ADGRL3: variants seen among roughly 807,000 people sequenced by gnomAD.
ADGRL3 encodes the protein calcium-independent alpha-latrotoxin receptor 3.
ADGRL3 carries 62 observed loss-of-function variants against 153.5 expected under a neutral mutation model. That is an observed-to-expected ratio of 0.40 (90% CI 0.33 to 0.50). The LOEUF is 0.50. Ranked by LOEUF, ADGRL3 falls within the 20% of genes least tolerant of loss-of-function variation. The pLI, the probability that ADGRL3 is intolerant of heterozygous loss-of-function variation, is 0.47. For missense variants in ADGRL3, 1,641 were observed against 1,859.4 expected, an observed-to-expected ratio of 0.88 and a Z score of 2.16; for synonymous variants, 710 against 672.5, an observed-to-expected ratio of 1.06 and a Z score of -0.86.
chr4:61,717,477 T>C (rs2096144239), intron 6 of ADGRL3, among the ~76,000 whole-genome samples: 1 of 152,118 alleles, frequency 6.6e-6, no homozygotes, highest in Non-Finnish European at 1.5e-5. Context: ...GCTCTATTTC[T>C]TACCTGATTT....
At chr4:62,050,846 T>C (rs1733695549) in intron 25 of ADGRL3, among the ~76,000 whole-genome samples, 1 of 151,856 alleles carries the variant, frequency 6.6e-6, no homozygotes, top group Admixed American at 6.6e-5. Context: ...TTATGAAATT[T>C]GCAAAAACAG....
rs2098250284 is a variant in ADGRL3, at chr4:61,855,279, T to C, written c.1481-37377T>C. Among the ~76,000 whole-genome samples, 2 of 152,198 alleles carry C rather than the reference T, an allele frequency of 1.3e-5. 1 individual carries two copies. The highest frequency in any genetic ancestry group is 4.1e-4 in the South Asian group (2 of 4,834). On this transcript the variant is annotated intron_variant, in intron 9 of 26. Coordinates refer to ENST00000683033, the MANE Select transcript of ADGRL3 (RefSeq NM_001387552.1). The stretch of plus-strand genomic sequence containing the variant: ...GTGTAATAAACTAGGAACTATCATC[T>C]TTCTAAACTGTAAAATAGAATGTTA...
chr4:61,407,641 A>G (rs2097020253), intron 2 of ADGRL3, among the ~76,000 whole-genome samples: 1 of 152,174 alleles, frequency 6.6e-6, no homozygotes, highest in African/African-American at 2.4e-5. Flanking sequence ...CTCTGTCATC[A>G]TTGAAGAACA....
At chr4:61,402,256 GTTGT>G (rs1243019427) in intron 2 of ADGRL3, among the ~76,000 whole-genome samples, 2 of 152,040 alleles carry the variant, frequency 1.3e-5, no homozygotes, top group Non-Finnish European at 2.9e-5. Context: ...ACAGGAAGGG[GTTGT>G]TTGTTTATTT....
intron 17 of ADGRL3, among the ~76,000 whole-genome samples, chr4:61,971,159 T>G (rs936574353): frequency 2.0e-5 from 3 of 151,666 alleles, no homozygotes; most frequent in Non-Finnish European, 2.9e-5. Flanking sequence ...TTTATTTATT[T>G]ATTTATTATT....
At chr4:61,662,985 T>G (rs1017423386) in intron 5 of ADGRL3, among the ~76,000 whole-genome samples, 10 of 152,112 alleles carry the variant, frequency 6.6e-5, no homozygotes, top group African/African-American at 2.2e-4. Context: ...ACCGTGCCTG[T>G]GGAGAGGAAC....
Position 61,969,828 on chromosome 4 carries a change from A to C in ADGRL3, c.2806-9735A>C, listed in dbSNP as rs76029946. 2.7e-3 allele frequency among the ~76,000 whole-genome samples: 413 copies of C among 152,274 alleles called. 1 individual carries two copies. Among genetic ancestry groups the C allele is most frequent in the African/African-American group, 9.4e-3 (389 of 41,554 alleles). On this transcript the variant is annotated intron_variant, in intron 17 of 26. Coordinates refer to ENST00000683033, the MANE Select transcript of ADGRL3 (RefSeq NM_001387552.1). ...TTGCAGGAGCCATTAAGAAAAATGGACAATTGATGCTTCATCCATTCAACA... is the reference window on the plus strand; with the variant it reads ...TTGCAGGAGCCATTAAGAAAAATGGCCAATTGATGCTTCATCCATTCAACA...
intron 1 of ADGRL3, among the ~76,000 whole-genome samples, chr4:61,328,072 T>C (rs2095499918): frequency 6.6e-6 from 1 of 152,060 alleles, no homozygotes; most frequent in East Asian, 1.9e-4. Context: ...TTGGCAAAAT[T>C]TGCATACATT....
intron 5 of ADGRL3, among the ~76,000 whole-genome samples, chr4:61,613,302 C>G (rs1449206129): frequency 6.6e-6 from 1 of 152,066 alleles, no homozygotes; most frequent in Non-Finnish European, 1.5e-5. Context: ...TTCTTCTTTG[C>G]TTGTCTTGTT....
chr4:61,850,673 A>G (rs186998225), intron 9 of ADGRL3, among the ~76,000 whole-genome samples: 7 of 152,196 alleles, frequency 4.6e-5, no homozygotes, highest in Non-Finnish European at 7.4e-5. Context: ...AGCATTGTAA[A>G]CTTAAAATTG....
intron 9 of ADGRL3, among the ~76,000 whole-genome samples, chr4:61,868,450 A>G (rs1183403854): frequency 6.6e-6 from 1 of 151,904 alleles, no homozygotes. Flanking sequence ...TAGCCCAACC[A>G]TTTTCTGAGC....
intron 9 of ADGRL3, among the ~76,000 whole-genome samples, chr4:61,861,461 A>G (rs2098339231): frequency 6.6e-6 from 1 of 152,090 alleles, no homozygotes; most frequent in Admixed American, 6.6e-5. Context: ...AAGAAATAGT[A>G]TGCTTGATTG....
chr4:61,774,570 T>C (rs916331433), intron 8 of ADGRL3, among the ~76,000 whole-genome samples: 5 of 152,236 alleles, frequency 3.3e-5, no homozygotes, highest in Non-Finnish European at 5.9e-5. Flanking sequence ...TACTATACCA[T>C]TTTATATCAG....
At chr4:61,793,788 T>A (rs2097372949) in intron 8 of ADGRL3, among the ~76,000 whole-genome samples, 1 of 152,206 alleles carries the variant, frequency 6.6e-6, no homozygotes, top group South Asian at 2.1e-4. Flanking sequence ...TTGCTTTTTT[T>A]ATAAACTTGA....
intron 2 of ADGRL3, among the ~76,000 whole-genome samples, chr4:61,456,096 G>A (rs1315192095): frequency 6.6e-6 from 1 of 151,830 alleles, no homozygotes; most frequent in Non-Finnish European, 1.5e-5. Context: ...GAGCCAATAT[G>A]CCCGGCCGAC....
chr4:61,769,277 G>C (rs371028704), intron 8 of ADGRL3, among the ~76,000 whole-genome samples: 7,031 of 152,122 alleles, frequency 0.046, 197 homozygotes, highest in Middle Eastern at 0.082. Context: ...ACCAGAAAAT[G>C]AAAGGAATTG....
rs778855890 is a variant in ADGRL3 at position 61,935,030 on chromosome 4, G to A, written c.2296+7G>A. On this transcript the variant is annotated splice_region_variant and intron_variant, in intron 14 of 26. Coordinates refer to ENST00000683033, the MANE Select transcript of ADGRL3 (RefSeq NM_001387552.1). ...GAGAATACAGACAATATTAGTAAGT[G>A]GCCTTTGTTATTCAGAAGGTCCAGA... 4 of 1,612,424 alleles carry A rather than the reference G, an allele frequency of 2.5e-6. No individual in the cohort carries two copies. In the African/African-American group the frequency reaches 5.3e-5, roughly 22 times the overall value.
At chr4:61,298,817 T>C (rs564642837) in intron 1 of ADGRL3, among the ~76,000 whole-genome samples, 1 of 152,324 alleles carries the variant, frequency 6.6e-6, no homozygotes, top group African/African-American at 2.4e-5. Flanking sequence ...TAGATTGATA[T>C]GTTTTAATAA....
chr4:61,822,165 C>T (rs748385649), intron 9 of ADGRL3, among the ~76,000 whole-genome samples: 3 of 152,106 alleles, frequency 2.0e-5, no homozygotes, highest in Non-Finnish European at 4.4e-5. Flanking sequence ...TTGCATATAA[C>T]GGAGTTCTTT....
Sources: allele counts gnomAD v4.1 joint callset (sites outside exome capture counted in the v4.1 genomes callset), GRCh38; gene constraint gnomAD v4.1.1; transcripts MANE v1.5; gene names NCBI Gene and HGNC (gene_info 2026-07-23, HGNC 2026-07-21).